The following ITGAE variants were observed in gnomAD, a reference collection of about 807,000 sequenced individuals.
ITGAE encodes the protein integrin alpha-E.
Under a neutral mutation model 136.5 loss-of-function variants are expected in ITGAE, and 99 were observed. That is an observed-to-expected ratio of 0.73 (90% CI 0.62 to 0.86). The LOEUF is 0.86. Among genes scored for constraint, ITGAE ranks in the 40% least tolerant of loss-of-function variants. ITGAE has a pLI of 0.00. For synonymous variants in ITGAE, 613 were observed against 591.8 expected (o/e 1.04, Z -0.52); for missense variants, 1,447 against 1,515.3 (o/e 0.95, Z 0.75).
chr17:3,760,113 C>T, intron 7 of ITGAE, 59 bp downstream of exon 7: 1 of 996,594 alleles, frequency 1.0e-6, no homozygotes, highest in South Asian at 1.3e-5. Flanking sequence ...GATTGTTGTT[C>T]TGAGGTAGGG....
At chr17:3,774,503 C>T (rs1276711123) in intron 2 of ITGAE, among the ~76,000 whole-genome samples, 2 of 152,288 alleles carry the variant, frequency 1.3e-5, no homozygotes, top group East Asian at 3.9e-4. Context: ...GTGGCTCATG[C>T]CTGTAATCCC....
intron 29 of ITGAE, 32 bp downstream of exon 29, chr17:3,720,275 T>C (rs762054931): frequency 1.9e-6 from 2 of 1,048,076 alleles, no homozygotes; most frequent in Admixed American, 1.7e-5. Context: ...CAATTTTCCT[T>C]GGGCACTACT....
At chr17:3,724,586 C>T in intron 26 of ITGAE, 5 of 1,614,212 alleles carry the variant, frequency 3.1e-6, no homozygotes, top group Non-Finnish European at 4.2e-6. Flanking sequence ...GAGCATCTCT[C>T]CCCTGCTCCC....
In ITGAE at chr17:3,799,269, G is replaced by A. The variant is rs573153046; in HGVS notation, c.34+1842C>T. On this transcript the variant is annotated intron_variant, in intron 1 of 30. Transcript: ENST00000263087. The surrounding 1 kb of genome is among the most constrained non-coding windows in gnomAD (Gnocchi z 4.1). Reference sequence around the variant, plus strand: ...CATGGAGCAGAACTGCAGCAGCCTCGTTTCCGCCACCCACACCGGAGCTGC... The same window carrying A: ...CATGGAGCAGAACTGCAGCAGCCTCATTTCCGCCACCCACACCGGAGCTGC... Among the ~76,000 whole-genome samples the A allele has an allele frequency of 4.2e-4, 64 of 152,264 alleles. No individual in the cohort carries two copies. The highest frequency in any genetic ancestry group is 1.2e-3 in the African/African-American group (48 of 41,554).
chr17:3,717,789 T>C (rs1225140492), intron 29 of ITGAE: 2 of 152,110 alleles, frequency 1.3e-5, no homozygotes, highest in South Asian at 2.1e-4. Flanking sequence ...CTGAACTAAA[T>C]AGGAGTGAAG....
intron 2 of ITGAE, among the ~76,000 whole-genome samples, chr17:3,775,626 AT>A (rs34720738): frequency 1.9e-3 from 276 of 143,810 alleles, no homozygotes; most frequent in Middle Eastern, 3.6e-3. Flanking sequence ...CACCCAGCTA[AT>A]TTTTTTTTTT....
chr17:3,762,034 G>T, intron 3 of ITGAE, 52 bp from the exon 4 acceptor site: 1 of 1,525,754 alleles, frequency 6.6e-7, no homozygotes, highest in Non-Finnish European at 9.0e-7. Context: ...GGGAGGCAGA[G>T]ACCCGAAGCC....
Position 3,755,253 on chromosome 17 carries a change from C to T in ITGAE, c.1248G>A (p.Val416=). The T allele has an allele frequency of 3.8e-6, 6 of 1,574,428 alleles. No homozygotes were observed. Among genetic ancestry groups the T allele is most frequent in the Non-Finnish European group, 5.1e-6 (6 of 1,166,660 alleles). Reference sequence around the variant, plus strand: ...CAAAGGCCCCGACGGCGCCGAGCAGCACCTGCCGCTGAAGGGGACGGGGAT... The same window carrying T: ...CAAAGGCCCCGACGGCGCCGAGCAGTACCTGCCGCTGAAGGGGACGGGGAT... ...FSAQILDERQ[V]LLGAVGAFDW... The change falls in exon 12 of 31, where the codon GTG becomes GTA. Residue 416 remains valine (V), a synonymous_variant. Coordinates refer to ENST00000263087, the MANE Select transcript of ITGAE (RefSeq NM_002208.5).
rs1224814339 is a variant in ITGAE, at chr17:3,728,031, A to C, written c.2977-5T>G. 2 of 1,612,392 alleles carry C rather than the reference A, an allele frequency of 1.2e-6. No individual in the cohort carries two copies. The highest frequency in any genetic ancestry group is 1.7e-6 in the Non-Finnish European group (2 of 1,178,522). On this transcript the variant is annotated splice_region_variant and splice_polypyrimidine_tract_variant and intron_variant, in intron 25 of 30. Coordinates refer to ENST00000263087, the MANE Select transcript of ITGAE (RefSeq NM_002208.5). ...AAAGAGGTTCTCCCCATGTACCTGC[A>C]AATTAAAATCAGAGTAGGAAATCAA...
chr17:3,753,325 C>CT lies in ITGAE; in HGVS notation c.1632dup (p.Glu545ArgfsTer47). Reference sequence around the variant, plus strand: ...AGACGGTACACGTAGACTCTGCCTTCTTCTCCATGAACGTGGTAAAATGGA... The same window carrying CT: ...AGACGGTACACGTAGACTCTGCCTTCTTTCTCCATGAACGTGGTAAAATGGA... On this transcript the variant is annotated frameshift_variant, in exon 14 of 31. Coordinates refer to ENST00000263087, the MANE Select transcript of ITGAE (RefSeq NM_002208.5). LOFTEE classifies it high-confidence loss of function. The CT allele has an allele frequency of 1.2e-6, 2 of 1,614,196 alleles. No individual in the cohort carries two copies. The highest frequency in any genetic ancestry group is 1.7e-6 in the Non-Finnish European group (2 of 1,180,036).
At chr17:3,735,237 G>A (rs1314095221) in intron 20 of ITGAE, among the ~76,000 whole-genome samples, 2 of 152,094 alleles carry the variant, frequency 1.3e-5, no homozygotes, top group Admixed American at 6.6e-5. Flanking sequence ...GCACGATCTC[G>A]GCTCACTGCA....
At chr17:3,755,944 G>T (rs1222051616) in intron 10 of ITGAE, 47 bp from the exon 11 acceptor site, 1 of 1,541,740 alleles carries the variant, frequency 6.5e-7, no homozygotes, top group East Asian at 2.4e-5. Flanking sequence ...CGAGGTGAAG[G>T]GAGAAACTGA....
intron 3 of ITGAE, 31 bp downstream of exon 3, chr17:3,763,838 G>A: frequency 6.4e-7 from 1 of 1,561,120 alleles, no homozygotes; most frequent in South Asian, 1.1e-5. Context: ...GGGGTCCTGG[G>A]GAGCATTCCC....
At chr17:3,785,532 AAGGAAG>A (rs2052769106) in intron 1 of ITGAE, among the ~76,000 whole-genome samples, 3 of 150,420 alleles carry the variant, frequency 2.0e-5, no homozygotes, top group African/African-American at 7.4e-5. Context: ...GGAAGGAAGG[AAGGAAG>A]GAAGGAAGGA....
chr17:3,721,999 G>C (rs1469545871), intron 28 of ITGAE, among the ~76,000 whole-genome samples: 1 of 151,784 alleles, frequency 6.6e-6, no homozygotes, highest in Non-Finnish European at 1.5e-5. Context: ...CACCAACATG[G>C]AGAAACCCCA....
intron 16 of ITGAE, 101 bp from the exon 17 acceptor site, chr17:3,748,153 GC>G: frequency 8.2e-7 from 1 of 1,212,960 alleles, no homozygotes; most frequent in Non-Finnish European, 1.1e-6. Flanking sequence ...TATCAAACAT[GC>G]CCACATCCAG....
In ITGAE at chr17:3,788,143, T is replaced by C. The variant is rs866146647; in HGVS notation, c.35-10483A>G. On this transcript the variant is annotated intron_variant, in intron 1 of 30. Transcript: ENST00000263087. ...TACATATTCTGAAGTTAATCTTTTATCAATTTGTGTTGCAATTATTTTCTT... is the reference window on the plus strand; with the variant it reads ...TACATATTCTGAAGTTAATCTTTTACCAATTTGTGTTGCAATTATTTTCTT... Among the ~76,000 whole-genome samples, 2 of 152,120 alleles carry C rather than the reference T, an allele frequency of 1.3e-5. 1 individual carries two copies. Among genetic ancestry groups the C allele is most frequent in the South Asian group, 4.1e-4 (2 of 4,830 alleles).
chr17:3,736,524 C>T lies in ITGAE; in HGVS notation c.2523-1575G>A, dbSNP rs116807388. Among the ~76,000 whole-genome samples, 923 of 152,186 alleles carry T rather than the reference C, an allele frequency of 6.1e-3. 7 individuals are homozygous for T. Among genetic ancestry groups the T allele is most frequent in the African/African-American group, 0.02 (835 of 41,510 alleles). On this transcript the variant is annotated intron_variant, in intron 20 of 30. Coordinates refer to ENST00000263087, the MANE Select transcript of ITGAE (RefSeq NM_002208.5). ...GTGCATAAGACATACTGTCCTACCC[C>T]GTTTCTTGGCCTCAGCTTCCTACCC...
intron 26 of ITGAE, among the ~76,000 whole-genome samples, chr17:3,727,403 C>CTTTTTT (rs34753665): frequency 7.1e-6 from 1 of 141,440 alleles, no homozygotes; most frequent in Non-Finnish European, 1.5e-5. Flanking sequence ...TTAATTTTTG[C>CTTTTTT]TTTTTTTTTT....
Sources: gnomAD v4.1 joint callset for allele counts (sites outside exome capture counted in the v4.1 genomes callset) on GRCh38, gnomAD v4.1.1 for gene constraint, Gnocchi (gnomAD v3.1) non-coding constraint, MANE v1.5 for transcripts, NCBI Gene and HGNC (gene_info 2026-07-23, HGNC 2026-07-21) for gene names.